Variants in CCNI observed in about 807,000 individuals in gnomAD.
The protein encoded by CCNI is cyclin-I.
CCNI carries 14 observed loss-of-function variants against 34.1 expected under a neutral mutation model. The observed-to-expected ratio is 0.41, with a 90% confidence interval of 0.27 to 0.64. The LOEUF (loss-of-function observed/expected upper bound fraction) is 0.64. Ranked by LOEUF, CCNI falls within the 30% of genes least tolerant of loss-of-function variation. CCNI has a pLI of 0.31. For synonymous variants in CCNI, 154 were observed against 158.4 expected (o/e 0.97, Z 0.21); for missense variants, 385 against 440.5 (o/e 0.87, Z 1.13).
At chr4:77,059,308 T>C (rs1201293275) in intron 2 of CCNI, among the ~76,000 whole-genome samples, 1 of 151,892 alleles carries the variant, frequency 6.6e-6, no homozygotes, top group African/African-American at 2.4e-5. Context: ...TAATAGTGAT[T>C]AGAAAACTTT....
intron 2 of CCNI, among the ~76,000 whole-genome samples, chr4:77,063,346 A>T (rs775463970): frequency 0.14 from 7,113 of 50,054 alleles, 274 homozygotes; most frequent in East Asian, 0.42. Flanking sequence ...AAGGGAGGTA[A>T]AAAAAAAAAA....
At position 77,066,338 on chromosome 4, in the gene CCNI, T is replaced by C. The variant is rs373733359; in HGVS notation, c.25A>G (p.Asn9Asp). 3 of 1,614,014 alleles carry C rather than the reference T, an allele frequency of 1.9e-6. No homozygotes were observed. In the African/African-American group the frequency reaches 4.0e-5, roughly 22 times the overall value. ...TCCAACAGGAAAGACAATCTCTGGTTTTCCAAAGGCCCTGGAAACTTCATG... is the reference window on the plus strand; with the variant it reads ...TCCAACAGGAAAGACAATCTCTGGTCTTCCAAAGGCCCTGGAAACTTCATG... The part of the protein sequence containing the change: MKFPGPLE[N>D]QRLSFLLEKA... The change falls in exon 2 of 7, where the codon AAC becomes GAC. Residue 9 changes from asparagine to aspartate, a missense_variant. Asn to Asp is a conservative substitution (Grantham distance 23). Coordinates refer to ENST00000237654, the MANE Select transcript of CCNI (RefSeq NM_006835.3).
At chr4:77,060,920 C>T (rs566620527) in intron 2 of CCNI, among the ~76,000 whole-genome samples, 6 of 139,750 alleles carry the variant, frequency 4.3e-5, no homozygotes, top group South Asian at 2.2e-4. Context: ...CCACTGCGCC[C>T]GGCCTAATTT....
chr4:77,061,517 T>C (rs1728602972), intron 2 of CCNI, among the ~76,000 whole-genome samples: 1 of 152,200 alleles, frequency 6.6e-6, no homozygotes, highest in African/African-American at 2.4e-5. Context: ...ATATTCTGTA[T>C]ATATATTATA....
intron 2 of CCNI, among the ~76,000 whole-genome samples, chr4:77,059,744 C>T (rs1728479633): frequency 6.6e-6 from 1 of 152,014 alleles, no homozygotes; most frequent in African/African-American, 2.4e-5. Flanking sequence ...ATTCTGTATC[C>T]AGGCTACTTT....
intron 2 of CCNI, among the ~76,000 whole-genome samples, chr4:77,063,049 A>T (rs1728725493): frequency 2.0e-5 from 3 of 152,172 alleles, no homozygotes; most frequent in Admixed American, 2.0e-4. Flanking sequence ...AGAAAATTAT[A>T]ATACTTTGTG....
At chr4:77,065,362 T>C (rs1728954209) in intron 2 of CCNI, among the ~76,000 whole-genome samples, 1 of 152,254 alleles carries the variant, frequency 6.6e-6, no homozygotes, top group Non-Finnish European at 1.5e-5. Context: ...AAAAGACATA[T>C]AAGACATCTT....
chr4:77,056,491 CTT>C (rs1279835251), intron 3 of CCNI, 168 bp from the exon 4 acceptor site: 1 of 576,612 alleles, frequency 1.7e-6, no homozygotes, highest in African/African-American at 1.9e-5. Flanking sequence ...TCAGAGCTAA[CTT>C]TAAGAACAGG....
At chr4:77,061,781 T>G (rs1029228856) in intron 2 of CCNI, among the ~76,000 whole-genome samples, 2 of 152,118 alleles carry the variant, frequency 1.3e-5, no homozygotes, top group African/African-American at 4.8e-5. Context: ...ACCATTCTCC[T>G]GCCTCAGCCT....
chr4:77,056,886 C>T (rs888267769), intron 3 of CCNI, among the ~76,000 whole-genome samples: 1 of 152,038 alleles, frequency 6.6e-6, no homozygotes. Flanking sequence ...CCACCGTGCC[C>T]GGCCTGAGAG....
chr4:77,055,415 T>A, intron 5 of CCNI, 35 bp from the exon 6 acceptor site: 1 of 1,373,978 alleles, frequency 7.3e-7, no homozygotes, highest in Non-Finnish European at 1.0e-6. Flanking sequence ...TAACTTTATT[T>A]AAATATCTGG....
At position 77,073,311 on chromosome 4, in the gene CCNI, T is replaced by C. The variant is rs532233394; in HGVS notation, c.-44+2161A>G. 2.6e-5 allele frequency among the ~76,000 whole-genome samples: 4 copies of C among 152,340 alleles called. No individual in the cohort carries two copies. The East Asian group carries it at 7.7e-4, about 29-fold the overall frequency. ...AGGTAATAGTTTATAAAAGGCTTAC[T>C]GTACAGCATAACTATTACAGATATA... On this transcript the variant is annotated intron_variant, in intron 1 of 6. Coordinates refer to ENST00000237654, the MANE Select transcript of CCNI (RefSeq NM_006835.3).
chr4:77,075,478 C>T lies in CCNI; in HGVS notation c.-50G>A, dbSNP rs1183901666. The T allele has an allele frequency of 1.2e-5, 12 of 972,344 alleles. No homozygotes were observed. The highest frequency in any genetic ancestry group is 1.8e-5 in the African/African-American group (1 of 56,796). 60.2% of individuals were successfully genotyped at this position (972,344 alleles called of 1,614,324 possible). On this transcript the variant is annotated 5_prime_UTR_variant, in exon 1 of 7. Coordinates refer to ENST00000237654, the MANE Select transcript of CCNI (RefSeq NM_006835.3). ...CCCCGCCCCCGCCCCTCACCTTCTC[C>T]TCCTCTTCCTCCTCCTCCTCCTCCC... is the stretch of plus-strand genomic sequence containing the variant.
intron 1 of CCNI, chr4:77,074,963 C>G (rs1270654711): frequency 7.4e-6 from 1 of 134,388 alleles, no homozygotes; most frequent in Non-Finnish European, 1.6e-5. Flanking sequence ...ATTCCCCCCA[C>G]CCACCCGCCC....
At position 77,058,584 on chromosome 4, in the gene CCNI, T is replaced by G. The variant is rs753781669; in HGVS notation, c.166A>C (p.Lys56Gln). 1 of 1,613,358 alleles carries G rather than the reference T, an allele frequency of 6.2e-7. No homozygotes were observed. The highest frequency in any genetic ancestry group is 2.2e-5 in the East Asian group (1 of 44,846). The change falls in exon 3 of 7, where the codon AAG (lysine) becomes CAG (glutamine). Residue 56 changes from lysine to glutamine, a missense_variant. By Grantham distance (53) the Lys-to-Gln change is moderately conservative (BLOSUM62 1). Coordinates refer to ENST00000237654, the MANE Select transcript of CCNI (RefSeq NM_006835.3). ...DEVIQWLAKL[K>Q]YQFNLYPETF... The stretch of plus-strand genomic sequence containing the variant: ...TCTGGGTAAAGGTTGAATTGGTACT[T>G]GAGTTTGGCCAGCCATTGAATTACT...
At chr4:77,061,555 A>C (rs533528321) in intron 2 of CCNI, among the ~76,000 whole-genome samples, 4 of 152,186 alleles carry the variant, frequency 2.6e-5, no homozygotes, top group Non-Finnish European at 4.4e-5. Flanking sequence ...CTTCTCCTTA[A>C]AATATACAAC....
intron 1 of CCNI, chr4:77,074,767 T>C (rs906411086): frequency 2.2e-4 from 34 of 152,198 alleles, no homozygotes; most frequent in Admixed American, 2.0e-3. Flanking sequence ...TTCAAACCCC[T>C]TCAGAGTCTG....
At chr4:77,060,885 A>T (rs1302041641) in intron 2 of CCNI, among the ~76,000 whole-genome samples, 2 of 152,026 alleles carry the variant, frequency 1.3e-5, no homozygotes, top group African/African-American at 4.8e-5. Flanking sequence ...TCAGCCTCCC[A>T]AAGTGCTGGG....
At chr4:77,072,277 T>C (rs1314102092) in intron 1 of CCNI, among the ~76,000 whole-genome samples, 1 of 151,836 alleles carries the variant, frequency 6.6e-6, no homozygotes, top group Non-Finnish European at 1.5e-5. Flanking sequence ...TAGAGAAAGC[T>C]AACAAAGAAA....
Sources: allele counts gnomAD v4.1 joint callset (sites outside exome capture counted in the v4.1 genomes callset), GRCh38; gene constraint gnomAD v4.1.1; transcripts MANE v1.5; gene names NCBI Gene and HGNC (gene_info 2026-07-23, HGNC 2026-07-21).